Variants in DLC1 observed in about 807,000 individuals in gnomAD.
The protein encoded by DLC1 is DLC1 Rho GTPase activating protein.
Under a neutral mutation model 140.3 loss-of-function variants are expected in DLC1, and 54 were observed. The ratio of observed to expected loss-of-function variants is 0.38; its 90% CI spans 0.31 to 0.48. The LOEUF (loss-of-function observed/expected upper bound fraction) is 0.48. Among genes scored for constraint, DLC1 ranks in the 20% least tolerant of loss-of-function variants. The pLI is 0.96. For synonymous variants in DLC1, 986 were observed against 728.1 expected, an observed-to-expected ratio of 1.35 and a Z score of -5.70; for missense variants, 2,536 against 1,907.0, an observed-to-expected ratio of 1.33 and a Z score of -6.14.
intron 2 of DLC1, among the ~76,000 whole-genome samples, chr8:13,439,361 C>T (rs887185406): frequency 6.6e-6 from 1 of 151,958 alleles, no homozygotes; most frequent in African/African-American, 2.4e-5. Flanking sequence ...GGCAGAGGGT[C>T]GATTTGGCCC....
At chr8:13,512,853 T>G (rs988504499) in intron 1 of DLC1, among the ~76,000 whole-genome samples, 4 of 152,056 alleles carry the variant, frequency 2.6e-5, no homozygotes, top group African/African-American at 7.2e-5. Flanking sequence ...TATAATAAAA[T>G]AGTCATAAAG....
rs1823954912 is a variant in DLC1 at position 13,153,098 on chromosome 8, C to G, written c.1349-37441G>C. On this transcript the variant is annotated intron_variant, in intron 5 of 17. Transcript: ENST00000276297. ...CCTGGAATTGGTGGGTTGTTGGTCT[C>G]ACTGACTTCAAGAACGAAGCCGCGG... 2.0e-5 allele frequency among the ~76,000 whole-genome samples: 3 copies of G among 152,192 alleles called. 1 individual carries two copies. Among genetic ancestry groups the G allele is most frequent in the East Asian group, 3.8e-4 (2 of 5,196 alleles).
At chr8:13,546,720 T>C (rs1444477889) in intron 1 of DLC1, among the ~76,000 whole-genome samples, 1 of 152,118 alleles carries the variant, frequency 6.6e-6, no homozygotes, top group African/African-American at 2.4e-5. Context: ...AGGCCATGCT[T>C]GCAACAAGCT....
At chr8:13,412,368 A>G (rs1347663533) in intron 2 of DLC1, among the ~76,000 whole-genome samples, 1 of 152,212 alleles carries the variant, frequency 6.6e-6, no homozygotes, top group Non-Finnish European at 1.5e-5. Context: ...AAAGTAGAAC[A>G]CATTCTTCAA....
At chr8:13,202,285 T>G (rs546770449) in intron 5 of DLC1, among the ~76,000 whole-genome samples, 1 of 152,184 alleles carries the variant, frequency 6.6e-6, no homozygotes, top group East Asian at 1.9e-4. Context: ...TAATAAGTTT[T>G]GTTTTTAATT....
At chr8:13,182,151 G>A (rs1353008932) in intron 5 of DLC1, among the ~76,000 whole-genome samples, 1 of 151,912 alleles carries the variant, frequency 6.6e-6, no homozygotes, top group African/African-American at 2.4e-5. Flanking sequence ...AGAACTGTCT[G>A]TTCATATCCT....
intron 5 of DLC1, among the ~76,000 whole-genome samples, chr8:13,155,205 A>G (rs1407558182): frequency 6.6e-6 from 1 of 151,784 alleles, no homozygotes; most frequent in Non-Finnish European, 1.5e-5. Context: ...AAGTATGCAT[A>G]GAATTCTATT....
At chr8:13,110,642 C>G in intron 7 of DLC1, 100 bp downstream of exon 7, 1 of 1,148,140 alleles carries the variant, frequency 8.7e-7, no homozygotes, top group South Asian at 1.4e-5. Flanking sequence ...AAAAACCTAA[C>G]ACAATTAGCA....
At chr8:13,130,286 C>A (rs1011786182) in intron 5 of DLC1, among the ~76,000 whole-genome samples, 1 of 152,188 alleles carries the variant, frequency 6.6e-6, no homozygotes, top group African/African-American at 2.4e-5. Flanking sequence ...ACTGTGGCCT[C>A]CCATATCCCC....
intron 1 of DLC1, among the ~76,000 whole-genome samples, chr8:13,592,096 C>A (rs1371072497): frequency 6.6e-6 from 1 of 151,914 alleles, no homozygotes; most frequent in African/African-American, 2.4e-5. Context: ...ACATAGGGCC[C>A]CAGGACAGTC....
chr8:13,381,056 G>A (rs2117159698), intron 4 of DLC1, among the ~76,000 whole-genome samples: 1 of 152,270 alleles, frequency 6.6e-6, no homozygotes, highest in East Asian at 1.9e-4. Flanking sequence ...CTTGACATGA[G>A]TCCCTGTAGT....
intron 5 of DLC1, among the ~76,000 whole-genome samples, chr8:13,240,379 G>T (rs1008632359): frequency 6.6e-6 from 1 of 152,128 alleles, no homozygotes; most frequent in African/African-American, 2.4e-5. Context: ...TTTAACTTTG[G>T]TGGAGAAAAA....
chr8:13,404,560 AT>A (rs1837442124), intron 2 of DLC1, among the ~76,000 whole-genome samples: 1 of 152,190 alleles, frequency 6.6e-6, no homozygotes, highest in African/African-American at 2.4e-5. Context: ...AACACATTTT[AT>A]TTTTTAAATA....
chr8:13,180,356 C>G (rs574377833), intron 5 of DLC1, among the ~76,000 whole-genome samples: 4 of 152,164 alleles, frequency 2.6e-5, no homozygotes, highest in Non-Finnish European at 5.9e-5. Flanking sequence ...TCACACAGCA[C>G]AATGGCTTAT....
At chr8:13,191,149 C>T (rs867970996) in intron 5 of DLC1, among the ~76,000 whole-genome samples, 5 of 152,156 alleles carry the variant, frequency 3.3e-5, no homozygotes, top group Admixed American at 3.3e-4. Flanking sequence ...TTCCTGAGGC[C>T]TCTTCGTAGC....
intron 1 of DLC1, among the ~76,000 whole-genome samples, chr8:13,542,864 G>C (rs895971232): frequency 6.6e-6 from 1 of 151,824 alleles, no homozygotes; most frequent in Non-Finnish European, 1.5e-5. Context: ...TAACTTTTTT[G>C]TTGATTCCCT....
At chr8:13,322,990 C>T (rs886360434) in intron 4 of DLC1, among the ~76,000 whole-genome samples, 1 of 152,170 alleles carries the variant, frequency 6.6e-6, no homozygotes, top group Non-Finnish European at 1.5e-5. Context: ...CAAGCAGCTC[C>T]CTGTGGGTCA....
At chr8:13,582,942 A>C (rs1448309050) in intron 1 of DLC1, among the ~76,000 whole-genome samples, 3 of 143,792 alleles carry the variant, frequency 2.1e-5, no homozygotes, top group African/African-American at 7.6e-5. Flanking sequence ...CATTATGTCT[A>C]AAACGGTACA....
At chr8:13,409,819 C>A (rs10100772) in intron 2 of DLC1, among the ~76,000 whole-genome samples, 6 of 151,926 alleles carry the variant, frequency 3.9e-5, no homozygotes, top group African/African-American at 1.5e-4. Flanking sequence ...TGTCAGTATA[C>A]TTGTATAGCT....
Sources: allele counts gnomAD v4.1 joint callset (sites outside exome capture counted in the v4.1 genomes callset), GRCh38; gene constraint gnomAD v4.1.1; transcripts MANE v1.5; gene names NCBI Gene and HGNC (gene_info 2026-07-23, HGNC 2026-07-21).